The following MAP9 variants were observed in gnomAD, a reference collection of about 807,000 sequenced individuals.
MAP9 encodes the protein microtubule associated protein 9.
A neutral mutation model predicts 75.2 loss-of-function variants in MAP9; 80 were observed. The observed-to-expected ratio is 1.06, with a 90% CI of 0.89 to 1.28. The LOEUF is 1.28. Among genes scored for constraint, MAP9 ranks in the 50% most tolerant of loss-of-function variants. The pLI, the probability that MAP9 is intolerant of heterozygous loss-of-function variation, is 0.00. For synonymous variants in MAP9, 235 were observed against 237.3 expected (o/e 0.99, Z 0.09); for missense variants, 753 against 719.9 (o/e 1.05, Z -0.53).
chr4:155,353,608 A>C (rs773781929), intron 10 of MAP9, among the ~76,000 whole-genome samples: 7 of 152,166 alleles, frequency 4.6e-5, no homozygotes, highest in Non-Finnish European at 7.4e-5. Context: ...AAAGATGTCA[A>C]CTATTATTTT....
At chr4:155,370,498 A>G (rs964666486) in intron 4 of MAP9, among the ~76,000 whole-genome samples, 3 of 152,142 alleles carry the variant, frequency 2.0e-5, no homozygotes, top group Non-Finnish European at 4.4e-5. Flanking sequence ...CAATCCCTCC[A>G]ATCCCTCCTG....
rs1731583696 is a variant in MAP9 at position 155,352,943 on chromosome 4, T to A, written c.1657A>T (p.Lys553Ter). Residue 553 changes from lysine to a stop codon, truncating the protein, a stop_gained, in exon 12 of 14, where the codon AAG (lysine) becomes TAG (stop). Coordinates refer to ENST00000311277, the MANE Select transcript of MAP9 (RefSeq NM_001039580.2). LOFTEE classifies it high-confidence loss of function. ...QKEEETVAEK[K>*]KDNLTAVEKW... The stretch of plus-strand genomic sequence containing the variant: ...TCAACAGCAGTTAAATTATCTTTCT[T>A]TTTCTCGGCAACAGTTTCCTCCTCT... 1 of 1,537,232 alleles carries A rather than the reference T, an allele frequency of 6.5e-7. No homozygotes were observed. The highest frequency in any genetic ancestry group is 8.8e-7 in the Non-Finnish European group (1 of 1,138,248).
In MAP9 at chr4:155,373,424, C is replaced by T. The variant is rs1732694499; in HGVS notation, c.193G>A (p.Asp65Asn). 1.9e-6 allele frequency: 3 copies of T among 1,581,852 alleles called. No homozygotes were observed. The highest frequency in any genetic ancestry group is 1.7e-6 in the Non-Finnish European group (2 of 1,164,616). Residue 65 changes from aspartate to asparagine, a missense_variant, in exon 4 of 14, where the codon GAT (aspartate) becomes AAT (asparagine). Transcript: ENST00000311277. ...ATTTTTTTATTAACTGAATTTTCAT[C>T]TGCTGAAGTGTCAGAAAAATCACCT... Reference protein sequence around the residue: ...SLGDFSDTSADENSVNKKMND... With the variant: ...SLGDFSDTSANENSVNKKMND...
rs1327978162 is a variant in MAP9, at chr4:155,373,150, T to C, written c.467A>G (p.Lys156Arg). The C allele has an allele frequency of 6.4e-7, 1 of 1,557,450 alleles. No individual in the cohort carries two copies. Among genetic ancestry groups the C allele is most frequent in the African/African-American group, 1.4e-5 (1 of 72,630 alleles). ...MKPKPRILSI[K>R]STSSAENNSL... ...TAACAAATTACCTGAAGATGTGCTT[T>C]TAATTGAAAGAATTCTGGGTTTAGG... The change falls in exon 4 of 14, where the codon AAA becomes AGA. Residue 156 changes from lysine (K) to arginine (R), a missense_variant. Coordinates refer to ENST00000311277, the MANE Select transcript of MAP9 (RefSeq NM_001039580.2).
chr4:155,342,690 A>T lies in MAP9; in HGVS notation c.*5093T>A, dbSNP rs1172170875. On this transcript the variant is annotated 3_prime_UTR_variant, in exon 14 of 14. Transcript: ENST00000311277. ...TATAACATTTCCTTTATTTATCAACAGCAACGATATGACATTACAAAGTGA... is the reference window on the plus strand; with the variant it reads ...TATAACATTTCCTTTATTTATCAACTGCAACGATATGACATTACAAAGTGA... 6.6e-6 allele frequency: 1 copy of T among 152,116 alleles called. No individual in the cohort carries two copies. Among genetic ancestry groups the T allele is most frequent in the Non-Finnish European group, 1.5e-5 (1 of 67,978 alleles). The allele number at this position is 152,116 out of a possible 1,614,324, so 9.4% of individuals were successfully genotyped here.
Position 155,368,799 on chromosome 4 carries a change from G to A in MAP9, c.495C>T (p.Ser165=), listed in dbSNP as rs1197614129. 4 of 1,603,476 alleles carry A rather than the reference G, an allele frequency of 2.5e-6. No homozygotes were observed. In the East Asian group the frequency reaches 6.7e-5, roughly 27 times the overall value. The change falls in exon 5 of 14, where the codon AGC becomes AGT. Residue 165 remains serine (S), a synonymous_variant. Transcript: ENST00000311277. Reference sequence around the variant, plus strand: ...GTTTAAAGTGATCATCTGTGTCAAGGCTGTTGTTTTCTGCTGAAAAATAAA... The same window carrying A: ...GTTTAAAGTGATCATCTGTGTCAAGACTGTTGTTTTCTGCTGAAAAATAAA... ...IKSTSSAENN[S]LDTDDHFKPS... is the part of the protein sequence containing the mutation.
intron 5 of MAP9, chr4:155,367,576 T>A (rs1445272292): frequency 2.0e-5 from 3 of 152,238 alleles, no homozygotes; most frequent in Non-Finnish European, 2.9e-5. Flanking sequence ...ATCAGATAAT[T>A]TTCTTAAATA....
Position 155,357,234 on chromosome 4 carries a change from A to G in MAP9, c.1121+215T>C. The G allele has an allele frequency of 8.1e-6, 4 of 494,040 alleles. No individual in the cohort carries two copies. The South Asian group carries it at 9.0e-5, about 11-fold the overall frequency. 30.6% of individuals were successfully genotyped at this position (494,040 alleles called of 1,614,324 possible). On this transcript the variant is annotated intron_variant, in intron 8 of 13. Transcript: ENST00000311277. The stretch of plus-strand genomic sequence containing the variant: ...CATAAACATTCCAGGCACTAAAACA[A>G]TCAGTAATAGACTTACTTTTTATAA...
intron 4 of MAP9, among the ~76,000 whole-genome samples, chr4:155,370,701 T>C (rs1448879574): frequency 1.3e-5 from 2 of 152,188 alleles, no homozygotes; most frequent in Non-Finnish European, 2.9e-5. Context: ...TCTTAATACA[T>C]TCAGTGCAAA....
At chr4:155,371,151 G>C (rs547830439) in intron 4 of MAP9, among the ~76,000 whole-genome samples, 1 of 152,122 alleles carries the variant, frequency 6.6e-6, no homozygotes, top group South Asian at 2.1e-4. Context: ...TGACTATAAA[G>C]TCTGGTTATT....
chr4:155,368,857 T>C lies in MAP9; in HGVS notation c.482-45A>G, dbSNP rs762232020. Reference sequence around the variant, plus strand: ...AAGTGTGTGTATAAAAAAATGACCATGGCTTTATCTATCTCTCTGGGTGCT... The same window carrying C: ...AAGTGTGTGTATAAAAAAATGACCACGGCTTTATCTATCTCTCTGGGTGCT... On this transcript the variant is annotated intron_variant, in intron 4 of 13. Coordinates refer to ENST00000311277, the MANE Select transcript of MAP9 (RefSeq NM_001039580.2). 7 of 1,484,952 alleles carry C rather than the reference T, an allele frequency of 4.7e-6. 1 individual carries two copies. The South Asian group carries it at 7.5e-5, about 16-fold the overall frequency. The allele number at this position is 1,484,952 out of a possible 1,614,324, so 92.0% of individuals were successfully genotyped here. A position where few individuals can be genotyped will look rare whatever the true frequency, so the allele number is the denominator to read the frequency against.
chr4:155,361,521 T>C (rs185377029), intron 6 of MAP9, among the ~76,000 whole-genome samples: 7 of 152,132 alleles, frequency 4.6e-5, no homozygotes, highest in East Asian at 1.9e-4. Context: ...GTGCTTACTA[T>C]GGTATTGCTG....
rs916024800 is a variant in MAP9 at position 155,375,809 on chromosome 4, C to T, written c.42G>A (p.Lys14=). ...TAGTTCTTTTGGTAACTTTTGGACT[C>T]TTTGTATATGCCAAAGTGGTGCTAA... is the stretch of plus-strand genomic sequence containing the variant. ...EVFSTTLAYT[K]SPKVTKRTTF... The change falls in exon 2 of 14, where the codon AAG becomes AAA. Residue 14 remains lysine, a synonymous_variant. Transcript: ENST00000311277. 10 of 1,610,994 alleles carry T rather than the reference C, an allele frequency of 6.2e-6. No homozygotes were observed. The highest frequency in any genetic ancestry group is 7.6e-6 in the Non-Finnish European group (9 of 1,178,142).
chr4:155,356,622 A>T (rs1464625024), intron 8 of MAP9, among the ~76,000 whole-genome samples: 1 of 152,174 alleles, frequency 6.6e-6, no homozygotes, highest in Non-Finnish European at 1.5e-5. Flanking sequence ...TACTATCTAT[A>T]TCAGGGATTG....
intron 4 of MAP9, among the ~76,000 whole-genome samples, chr4:155,370,771 G>T (rs1033033082): frequency 6.6e-5 from 10 of 152,068 alleles, no homozygotes; most frequent in Admixed American, 6.5e-5. Flanking sequence ...TACGCATCCC[G>T]CATGACTGAT....
chr4:155,369,454 T>TAA (rs34278122), intron 4 of MAP9, among the ~76,000 whole-genome samples: 8 of 149,582 alleles, frequency 5.3e-5, no homozygotes, highest in Admixed American at 1.3e-4. Flanking sequence ...CTTATAATAT[T>TAA]AAAAAAAAAA....
At chr4:155,372,914 T>G (rs1046158477) in intron 4 of MAP9, 2 of 356,878 alleles carry the variant, frequency 5.6e-6, no homozygotes, top group Non-Finnish European at 9.9e-6. Flanking sequence ...GGCAACAGCC[T>G]AGATGCAAGA....
At chr4:155,362,007 A>C (rs776803343) in intron 6 of MAP9, 41 bp downstream of exon 6, 1 of 1,147,204 alleles carries the variant, frequency 8.7e-7, no homozygotes, top group Admixed American at 1.9e-5. Context: ...TCTAAGTAGT[A>C]CAGAGTTCAC....
At chr4:155,364,707 GATATA>G (rs1488970584) in intron 5 of MAP9, among the ~76,000 whole-genome samples, 6 of 150,898 alleles carry the variant, frequency 4.0e-5, no homozygotes, top group East Asian at 1.9e-4. Context: ...AGGATATGTA[GATATA>G]ATATATGACA....
Sources: gnomAD v4.1 joint callset for allele counts (sites outside exome capture counted in the v4.1 genomes callset) on GRCh38, gnomAD v4.1.1 for gene constraint, MANE v1.5 for transcripts, NCBI Gene and HGNC (gene_info 2026-07-23, HGNC 2026-07-21) for gene names.